Variants in WLS observed in about 807,000 individuals in gnomAD.
WLS encodes the protein protein wntless homolog.
In WLS, 23 loss-of-function variants were observed where a neutral mutation model predicts 62.8. The observed-to-expected ratio is 0.37, with a 90% CI of 0.26 to 0.52. WLS has a LOEUF of 0.52. Among genes scored for constraint, WLS ranks in the 20% least tolerant of loss-of-function variants. The pLI is 0.92. For missense variants in WLS, 615 were observed against 697.3 expected (o/e 0.88, Z 1.33); for synonymous variants, 246 against 244.1 (o/e 1.01, Z -0.07).
intron 2 of WLS, chr1:68,183,649 G>T (rs934417170): frequency 7.1e-6 from 3 of 420,116 alleles, no homozygotes; most frequent in Non-Finnish European, 1.4e-5. Flanking sequence ...GAAATTCAGA[G>T]AATTGTTTAT....
intron 1 of WLS, among the ~76,000 whole-genome samples, chr1:68,214,210 C>CA (rs398049345): frequency 2.0e-5 from 3 of 151,126 alleles, no homozygotes; most frequent in South Asian, 2.1e-4. Context: ...CACACACACA[C>CA]CCCATTTCCA....
At chr1:68,194,369 C>G in intron 1 of WLS, 142 bp from the exon 2 acceptor site, 1 of 1,109,478 alleles carries the variant, frequency 9.0e-7, no homozygotes, top group Non-Finnish European at 1.3e-6. Context: ...TAGGGATCTT[C>G]CAAATCTGGG....
intron 5 of WLS, among the ~76,000 whole-genome samples, chr1:68,151,359 G>T (rs961877784): frequency 3.9e-5 from 6 of 152,172 alleles, no homozygotes; most frequent in Non-Finnish European, 7.4e-5. Context: ...TACCCCACTG[G>T]AGAACTGAAA....
chr1:68,124,594 G>T (rs1020643922), downstream of WLS, among the ~76,000 whole-genome samples: 19 of 152,142 alleles, frequency 1.2e-4, no homozygotes, highest in African/African-American at 4.6e-4. Context: ...GGGAGGCACG[G>T]CTCCCTTTGA....
At chr1:68,130,589 T>C (rs1409574663) in intron 11 of WLS, among the ~76,000 whole-genome samples, 1 of 152,254 alleles carries the variant, frequency 6.6e-6, no homozygotes, top group Non-Finnish European at 1.5e-5. Context: ...ACGAAGTCTC[T>C]GGTTCACAGC....
intron 2 of WLS, among the ~76,000 whole-genome samples, chr1:68,184,217 A>T (rs1189575260): frequency 6.6e-6 from 1 of 152,212 alleles, no homozygotes. Flanking sequence ...AGAGATATGT[A>T]AACAAATTCT....
At chr1:68,121,746 G>A (rs1646366237), downstream of WLS, among the ~76,000 whole-genome samples, 1 of 152,182 alleles carries the variant, frequency 6.6e-6, no homozygotes, top group South Asian at 2.1e-4. Flanking sequence ...CTTGAATCAA[G>A]AAGATGGGTC....
chr1:68,139,940 C>A (rs1322067702), intron 10 of WLS, among the ~76,000 whole-genome samples: 1 of 152,208 alleles, frequency 6.6e-6, no homozygotes, highest in East Asian at 1.9e-4. Context: ...CAATGTGTGA[C>A]AAGTGTTATT....
At chr1:68,222,414 T>C (rs546772085) in intron 1 of WLS, among the ~76,000 whole-genome samples, 5 of 152,298 alleles carry the variant, frequency 3.3e-5, no homozygotes, top group Admixed American at 2.0e-4. Context: ...ATATTAAGGA[T>C]ACAAAGGGAA....
chr1:68,121,792 G>A (rs1646366824), downstream of WLS, among the ~76,000 whole-genome samples: 1 of 152,098 alleles, frequency 6.6e-6, no homozygotes, highest in Admixed American at 6.5e-5. Flanking sequence ...GAGAGAGATG[G>A]GGATTAGTCA....
Position 68,153,673 on chromosome 1 carries a change from A to C in WLS, c.667-20T>G, listed in dbSNP as rs149749734. 5 of 1,613,924 alleles carry C rather than the reference A, an allele frequency of 3.1e-6. No individual in the cohort carries two copies. The East Asian group carries it at 8.9e-5, about 29-fold the overall frequency. On this transcript the variant is annotated intron_variant, in intron 4 of 11. Coordinates refer to ENST00000262348, the MANE Select transcript of WLS (RefSeq NM_024911.7). Reference sequence around the variant, plus strand: ...GATCCCCTAGGCAGAGACCAGTGATAATTTTGAAGGTGAATATTATCTTAG... The same window carrying C: ...GATCCCCTAGGCAGAGACCAGTGATCATTTTGAAGGTGAATATTATCTTAG...
rs369917064 is a variant in WLS at position 68,184,339 on chromosome 1, T to A, written c.379+9616A>T. ...CATTAGAGTGACAACCCATTTCCAG[T>A]GGGTACCGTTTTAGCCAACCCAAAC... On this transcript the variant is annotated intron_variant, in intron 2 of 11. Coordinates refer to ENST00000262348, the MANE Select transcript of WLS (RefSeq NM_024911.7). Among the ~76,000 whole-genome samples the A allele has an allele frequency of 3.9e-5, 6 of 152,314 alleles. No individual in the cohort carries two copies. The East Asian group carries it at 5.8e-4, about 15-fold the overall frequency.
At chr1:68,193,379 T>G (rs1263191311) in intron 2 of WLS, among the ~76,000 whole-genome samples, 4 of 100,426 alleles carry the variant, frequency 4.0e-5, no homozygotes, top group Non-Finnish European at 5.4e-5. Context: ...GCCCTCAGAG[T>G]TTTTAACTGC....
At position 68,150,232 on chromosome 1, in the gene WLS, T is replaced by A; in HGVS notation, c.928A>T (p.Met310Leu). Residue 310 changes from methionine (M) to leucine (L), a missense_variant, in exon 6 of 12, where the codon ATG becomes TTG. Transcript: ENST00000262348. ...AAGATGATCCAGAAGGACAGAAGCA[T>A]CGCATAGAAGATGCCCTGTCGGATG... ...GDIRQGIFYA[M>L]LLSFWIIFCG... 1 of 1,614,142 alleles carries A rather than the reference T, an allele frequency of 6.2e-7. No individual in the cohort carries two copies. Among genetic ancestry groups the A allele is most frequent in the Non-Finnish European group, 8.5e-7 (1 of 1,180,030 alleles).
downstream of WLS, among the ~76,000 whole-genome samples, chr1:68,122,759 T>C (rs574390631): frequency 2.6e-5 from 4 of 152,330 alleles, no homozygotes; most frequent in East Asian, 7.7e-4. Flanking sequence ...TTTCCACTGA[T>C]TGAAATGGGT....
In WLS at chr1:68,109,315, A is replaced by T. The variant is rs1232338621; in HGVS notation, c.1511-10562T>A. 2.0e-5 allele frequency among the ~76,000 whole-genome samples: 3 copies of T among 152,366 alleles called. No individual in the cohort carries two copies. The East Asian group carries it at 5.8e-4, about 29-fold the overall frequency. On this transcript the variant is annotated intron_variant, in intron 11 of 11. Coordinates refer to the WLS transcript ENST00000354777. ...AAAAGCTTCCTCAATTTGGGTCCTT[A>T]GATTTCCGTGGATTAAGCAACAATA...
chr1:68,212,923 C>T (rs937767389), intron 1 of WLS, among the ~76,000 whole-genome samples: 1 of 152,174 alleles, frequency 6.6e-6, no homozygotes, highest in Non-Finnish European at 1.5e-5. Flanking sequence ...TATCATCTCT[C>T]GTGCCTCTTT....
chr1:68,100,515 T>C (rs1242009176), intron 11 of WLS, among the ~76,000 whole-genome samples: 1 of 152,144 alleles, frequency 6.6e-6, no homozygotes, highest in African/African-American at 2.4e-5. Flanking sequence ...TTAAATATAG[T>C]AAATCTTCAA....
chr1:68,098,477 A>G (rs1646035828), exon 12 of WLS: 1 of 1,208,198 alleles, frequency 8.3e-7, no homozygotes, highest in African/African-American at 1.5e-5. Flanking sequence ...GTAAGACAAT[A>G]CTCAAAGAAT....
Sources: allele counts gnomAD v4.1 joint callset (sites outside exome capture counted in the v4.1 genomes callset), GRCh38; gene constraint gnomAD v4.1.1; transcripts MANE v1.5; gene names NCBI Gene and HGNC (gene_info 2026-07-23, HGNC 2026-07-21).